TMEM116: variants seen among roughly 807,000 people sequenced by gnomAD.
TMEM116 encodes the protein transmembrane protein 116.
In TMEM116, 38 loss-of-function variants were observed where a neutral mutation model predicts 44.3. That is an observed-to-expected ratio of 0.86 (90% CI 0.66 to 1.12). The LOEUF is 1.12. Ranked by LOEUF, TMEM116 falls within the 50% of genes most tolerant of loss-of-function variation. The probability of loss-of-function intolerance (pLI) is 0.00; values close to 1 mark genes in which losing one functional copy is unlikely to be tolerated. For synonymous variants in TMEM116, 132 were observed against 144.8 expected (o/e 0.91, Z 0.64); for missense variants, 354 against 401.7 (o/e 0.88, Z 1.01).
rs1488862656 is a variant in TMEM116, at chr12:112,004,576, C to T, written c.14+681G>A. On this transcript the variant is annotated intron_variant, in intron 2 of 10. Transcript: ENST00000552374. ...TGCTGGGATTACAGGCATGGGCCAC[C>T]ATATCCAGCCAATATTTTTAAACAA... Among the ~76,000 whole-genome samples, 17 of 152,266 alleles carry T rather than the reference C, an allele frequency of 1.1e-4. No homozygotes were observed. In the Middle Eastern group the frequency reaches 0.01, roughly 91 times the overall value.
chr12:111,989,003 C>CAAAACAAAAACA (rs758897074), intron 4 of TMEM116, among the ~76,000 whole-genome samples: 1 of 149,166 alleles, frequency 6.7e-6, no homozygotes, highest in African/African-American at 2.6e-5. Context: ...AAAACAAAAA[C>CAAAACAAAAACA]AAAACAAAAA....
In TMEM116 at chr12:111,968,055, G is replaced by A. The variant is rs78897842; in HGVS notation, c.210+23703C>T. 1.4e-4 allele frequency among the ~76,000 whole-genome samples: 21 copies of A among 148,974 alleles called. No individual in the cohort carries two copies. In the East Asian group the frequency reaches 4.0e-3, roughly 28 times the overall value. On this transcript the variant is annotated intron_variant, in intron 4 of 10. Coordinates refer to ENST00000552374, the MANE Select transcript of TMEM116 (RefSeq NM_001193531.2). ...AGGTAGCTAGAATTCATTGGAAAGG[G>A]TGCTGAAGAAAAACAAACAAACAAA...
chr12:111,994,449 C>A (rs563549644), intron 3 of TMEM116, among the ~76,000 whole-genome samples: 1 of 152,274 alleles, frequency 6.6e-6, no homozygotes, highest in South Asian at 2.1e-4. Flanking sequence ...AGGGCGTCAC[C>A]GCCTTCTGGT....
chr12:111,993,907 G>A (rs1049352914), intron 3 of TMEM116: 4 of 715,136 alleles, frequency 5.6e-6, no homozygotes, highest in Non-Finnish European at 1.1e-5. Context: ...ATTTAAAGGT[G>A]TATGGAAGGG....
intron 3 of TMEM116, chr12:111,993,204 GT>G: frequency 2.5e-6 from 1 of 394,594 alleles, no homozygotes; most frequent in Middle Eastern, 3.9e-4. Flanking sequence ...CTCTCGTGGG[GT>G]CTTAGGTTGT....
At chr12:111,992,175 TA>T (rs1792900329) in intron 3 of TMEM116, among the ~76,000 whole-genome samples, 1 of 151,812 alleles carries the variant, frequency 6.6e-6, no homozygotes, top group South Asian at 2.1e-4. Flanking sequence ...GGTATAGGGT[TA>T]AAAAAAGAGT....
intron 4 of TMEM116, among the ~76,000 whole-genome samples, chr12:111,960,417 G>A (rs1230224245): frequency 1.3e-5 from 2 of 149,354 alleles, no homozygotes; most frequent in Non-Finnish European, 3.0e-5. Context: ...ACGTGAACCC[G>A]GGAGGCAGAG....
intron 4 of TMEM116, among the ~76,000 whole-genome samples, chr12:111,964,754 C>T (rs1224304275): frequency 6.6e-6 from 1 of 152,102 alleles, no homozygotes; most frequent in Admixed American, 6.6e-5. Context: ...GTAGTGTGAT[C>T]GCAACTCACT....
intron 4 of TMEM116, among the ~76,000 whole-genome samples, chr12:111,975,197 T>C (rs2075598977): frequency 6.6e-6 from 1 of 152,214 alleles, no homozygotes; most frequent in East Asian, 1.9e-4. Context: ...CAGGCTGGAG[T>C]GCAGTGGCAC....
intron 4 of TMEM116, among the ~76,000 whole-genome samples, chr12:111,945,109 A>C (rs1251510699): frequency 6.6e-6 from 1 of 151,264 alleles, no homozygotes; most frequent in Non-Finnish European, 1.5e-5. Flanking sequence ...AGCCTTTAAA[A>C]AACAGGCAAA....
At chr12:111,932,702 G>T in intron 9 of TMEM116, 43 bp from the exon 10 acceptor site, 1 of 1,516,578 alleles carries the variant, frequency 6.6e-7, no homozygotes, top group Non-Finnish European at 9.2e-7. Flanking sequence ...AGCCCTGACT[G>T]TCTGAAGTAT....
intron 3 of TMEM116, among the ~76,000 whole-genome samples, chr12:111,997,902 A>T (rs1395055942): frequency 6.6e-6 from 1 of 152,254 alleles, no homozygotes; most frequent in Non-Finnish European, 1.5e-5. Flanking sequence ...GCTTGCTAAA[A>T]TTCCAGTTGG....
chr12:111,983,683 T>C (rs961734476), intron 4 of TMEM116, among the ~76,000 whole-genome samples: 2 of 152,084 alleles, frequency 1.3e-5, no homozygotes, highest in Non-Finnish European at 2.9e-5. Context: ...TAATCAGTAA[T>C]CAAAAAATTT....
At chr12:111,978,694 A>G in intron 4 of TMEM116, 1 of 388,326 alleles carries the variant, frequency 2.6e-6, no homozygotes, top group Non-Finnish European at 5.1e-6. Flanking sequence ...TTTGGATACA[A>G]CAAGAAAATA....
At chr12:111,996,561 A>G (rs1281841815) in intron 3 of TMEM116, among the ~76,000 whole-genome samples, 1 of 152,210 alleles carries the variant, frequency 6.6e-6, no homozygotes, top group Non-Finnish European at 1.5e-5. Flanking sequence ...AAGCAACAGG[A>G]CACTTTATAC....
chr12:111,949,031 T>C (rs971450735), intron 4 of TMEM116, among the ~76,000 whole-genome samples: 6 of 152,196 alleles, frequency 3.9e-5, no homozygotes, highest in Admixed American at 1.3e-4. Flanking sequence ...CGGGGGTTGC[T>C]TGAGCTTAGG....
chr12:111,959,473 C>T (rs75174009), intron 4 of TMEM116, among the ~76,000 whole-genome samples: 1 of 152,174 alleles, frequency 6.6e-6, no homozygotes, highest in African/African-American at 2.4e-5. Flanking sequence ...ATCATAATGA[C>T]AGGATCAAAT....
At position 111,936,783 on chromosome 12, in the gene TMEM116, G is replaced by T. The variant is rs775456751; in HGVS notation, c.497C>A (p.Pro166His). Residue 166 changes from proline to histidine, a missense_variant, in exon 8 of 11, where the codon CCT (proline) becomes CAT (histidine). Transcript: ENST00000552374. ...GCTACAGACAGATGTGTTGGCAGAAGGTGGAAGTTCAGCCATGGCTGATGG... is the reference window on the plus strand; with the variant it reads ...GCTACAGACAGATGTGTTGGCAGAATGTGGAAGTTCAGCCATGGCTGATGG... The part of the protein sequence containing the change: ...SPPSAMAELP[P>H]SANTSVCSTL... 1.5e-5 allele frequency: 25 copies of T among 1,612,992 alleles called. No individual in the cohort carries two copies. Among genetic ancestry groups the T allele is most frequent in the Non-Finnish European group, 2.1e-5 (25 of 1,179,528 alleles).
chr12:111,933,897 C>A lies in TMEM116; in HGVS notation c.722G>T (p.Cys241Phe), dbSNP rs1161064941. Residue 241 changes from cysteine (C) to phenylalanine (F), a missense_variant, in exon 9 of 11, where the codon TGC becomes TTC. Cys to Phe is a radical substitution (Grantham distance 205). Coordinates refer to ENST00000552374, the MANE Select transcript of TMEM116 (RefSeq NM_001193531.2). ...VRFYPVAFFC[C>F]WGPAVILMII... ...TGTTAAGTACCTACCTGGGCCCCAG[C>A]AGCAAAAGAAGGCCACTGGGTAGAA... The A allele has an allele frequency of 6.2e-7, 1 of 1,613,970 alleles. No homozygotes were observed. The highest frequency in any genetic ancestry group is 1.1e-5 in the South Asian group (1 of 91,062).
Sources: allele counts gnomAD v4.1 joint callset (sites outside exome capture counted in the v4.1 genomes callset), GRCh38; gene constraint gnomAD v4.1.1; transcripts MANE v1.5; gene names NCBI Gene and HGNC (gene_info 2026-07-23, HGNC 2026-07-21).